DMD: variants seen among roughly 807,000 people sequenced by gnomAD.
DMD encodes mutant dystrophin.
Under a neutral mutation model 330.1 loss-of-function variants are expected in DMD, and 63 were observed. The ratio of observed to expected loss-of-function variants is 0.19; its 90% CI spans 0.16 to 0.24. DMD has a LOEUF of 0.24. DMD is among the 10% of genes least tolerant of loss of function. The pLI is 1.00. For synonymous variants in DMD, 1,223 were observed against 959.8 expected (o/e 1.27, Z -5.07); for missense variants, 3,344 against 2,684.1 (o/e 1.25, Z -5.43).
chrX:32,242,776 G>C (rs920346268), intron 43 of DMD, among the ~76,000 whole-genome samples: 3 of 110,289 alleles, frequency 2.7e-5, no homozygotes, highest in Non-Finnish European at 5.7e-5. Context: ...CATGTAGTTA[G>C]AACGCATTGG....
At chrX:32,845,069 A>G (rs747950459) in intron 3 of DMD, among the ~76,000 whole-genome samples, 16 of 112,055 alleles carry the variant, frequency 1.4e-4, no homozygotes, top group Non-Finnish European at 2.3e-4. Flanking sequence ...AAGAATGGCA[A>G]CACTTTTTCT....
intron 62 of DMD, among the ~76,000 whole-genome samples, chrX:31,313,629 T>C (rs924110740): frequency 9.0e-6 from 1 of 110,739 alleles, no homozygotes; most frequent in African/African-American, 3.3e-5. Flanking sequence ...ATCACCAAAG[T>C]AGTGCACCTT....
rs950273574 is a variant in DMD, at chrX:32,948,023, T to C, written c.93+72116A>G. Reference sequence around the variant, plus strand: ...TCACACAACTAGTCAGTTAATGTTCTACAAATAGCTCTTTCAGAGATTTTT... The same window carrying C: ...TCACACAACTAGTCAGTTAATGTTCCACAAATAGCTCTTTCAGAGATTTTT... On this transcript the variant is annotated intron_variant, in intron 2 of 78. Coordinates refer to ENST00000357033, the MANE Select transcript of DMD (RefSeq NM_004006.3). 1.3e-4 allele frequency among the ~76,000 whole-genome samples: 14 copies of C among 111,163 alleles called. No individual in the cohort carries two copies. In the Admixed American group the frequency reaches 1.4e-3, roughly 11 times the overall value.
At chrX:31,456,836 A>ATGTGTGTGTGTGTGTG (rs5901988) in intron 59 of DMD, among the ~76,000 whole-genome samples, 1 of 83,265 alleles carries the variant, frequency 1.2e-5, no homozygotes, top group African/African-American at 4.7e-5. Context: ...GCCCACATAT[A>ATGTGTGTGTGTGTGTG]TGTGTGTGTG....
At chrX:31,916,100 G>A (rs1016179217) in intron 47 of DMD, among the ~76,000 whole-genome samples, 4 of 111,588 alleles carry the variant, frequency 3.6e-5, no homozygotes, top group African/African-American at 1.3e-4. Flanking sequence ...ATAAGCCCAG[G>A]AGCGCTTGCC....
At chrX:31,901,697 A>T (rs2094424945) in intron 47 of DMD, among the ~76,000 whole-genome samples, 1 of 111,763 alleles carries the variant, frequency 8.9e-6, no homozygotes, top group African/African-American at 3.2e-5. Flanking sequence ...ATCATACAAC[A>T]TCTTATTAAT....
rs876657781 is a variant in DMD at position 32,809,502 on chromosome X, C to T, written c.640G>A (p.Asp214Asn). 1 of 1,207,816 alleles carries T rather than the reference C, an allele frequency of 8.3e-7. No homozygotes were observed. Among genetic ancestry groups the T allele is most frequent in the South Asian group, 1.8e-5 (1 of 56,894 alleles). ...RYQLGIEKLL[D>N]PEDVDTTYPD... ...CCAGAAATTTACCAACCTTCAGGAT[C>T]GAGTAGTTTCTCTATGCCTAATTGA... Residue 214 changes from aspartate to asparagine, a missense_variant, in exon 7 of 79, where the codon GAT (aspartate) becomes AAT (asparagine). By Grantham distance (23) the Asp-to-Asn change is conservative. Coordinates refer to ENST00000357033, the MANE Select transcript of DMD (RefSeq NM_004006.3).
At chrX:32,764,963 T>G (rs1040664487) in intron 7 of DMD, among the ~76,000 whole-genome samples, 1,520 of 108,650 alleles carry the variant, frequency 0.014, 13 homozygotes, top group Non-Finnish European at 0.023. Context: ...CTGGGTTTTT[T>G]TTTTTTTTTT....
At chrX:32,010,722 C>T (rs1433449924) in intron 44 of DMD, among the ~76,000 whole-genome samples, 2 of 111,830 alleles carry the variant, frequency 1.8e-5, no homozygotes, top group African/African-American at 6.5e-5. Context: ...GACTTGGGTA[C>T]CTCTTCCATG....
chrX:33,156,822 C>A (rs1319330262), intron 1 of DMD, among the ~76,000 whole-genome samples: 1 of 111,744 alleles, frequency 8.9e-6, no homozygotes, highest in African/African-American at 3.2e-5. Context: ...TTTACATGCA[C>A]AGAAGGTTAT....
chrX:31,385,297 C>G (rs2060395673), intron 60 of DMD, among the ~76,000 whole-genome samples: 1 of 111,718 alleles, frequency 9.0e-6, no homozygotes, highest in Admixed American at 9.6e-5. Flanking sequence ...GCGCTGTTAA[C>G]AACTGAATCA....
At chrX:32,483,150 T>TGTATATATGG (rs2042069111) in intron 21 of DMD, among the ~76,000 whole-genome samples, 1 of 78,111 alleles carries the variant, frequency 1.3e-5, no homozygotes. Flanking sequence ...TCATTCCATA[T>TGTATATATGG]ATATATATAT....
chrX:32,484,889 C>A (rs533461634), intron 21 of DMD, 30 bp downstream of exon 21: 1 of 1,199,477 alleles, frequency 8.3e-7, no homozygotes, highest in South Asian at 1.8e-5. Flanking sequence ...TGGAAAATGT[C>A]AAGTTAGCCA....
rs933945166 is a variant in DMD, at chrX:32,531,463, G to T, written c.2169-13332C>A. On this transcript the variant is annotated intron_variant, in intron 17 of 78. Coordinates refer to ENST00000357033, the MANE Select transcript of DMD (RefSeq NM_004006.3). Reference sequence around the variant, plus strand: ...TAAATCACCTAAAGTTTTTTAAAATGCCAAACTTTCATTCAAATTTAAAGA... The same window carrying T: ...TAAATCACCTAAAGTTTTTTAAAATTCCAAACTTTCATTCAAATTTAAAGA... 8.1e-5 allele frequency among the ~76,000 whole-genome samples: 9 copies of T among 111,632 alleles called. No individual in the cohort carries two copies. The East Asian group carries it at 2.5e-3, about 32-fold the overall frequency.
chrX:32,107,598 C>T (rs1212447890), intron 44 of DMD, among the ~76,000 whole-genome samples: 1 of 110,526 alleles, frequency 9.0e-6, no homozygotes, highest in Non-Finnish European at 1.9e-5. Context: ...AGTTTGAAGG[C>T]AGTCGGGCAG....
chrX:32,917,917 A>C, intron 2 of DMD, among the ~76,000 whole-genome samples: 1 of 110,027 alleles, frequency 9.1e-6, no homozygotes, highest in Non-Finnish European at 1.9e-5. Flanking sequence ...GACTCTGAAA[A>C]ATGAAGCTGC....
intron 9 of DMD, among the ~76,000 whole-genome samples, chrX:32,690,415 T>G (rs1177523949): frequency 9.0e-6 from 1 of 111,404 alleles, no homozygotes; most frequent in African/African-American, 3.3e-5. Flanking sequence ...AAATTGTCAT[T>G]ACATTCAAAG....
intron 47 of DMD, among the ~76,000 whole-genome samples, chrX:31,925,937 C>T (rs2094769503): frequency 9.2e-6 from 1 of 108,627 alleles, no homozygotes; most frequent in Admixed American, 9.8e-5. Context: ...CTATAATATA[C>T]GTGTCAATTC....
At position 31,728,272 on chromosome X, in the gene DMD, G is replaced by T. The variant is rs371919833; in HGVS notation, c.7660+1359C>A. Among the ~76,000 whole-genome samples the T allele has an allele frequency of 3.6e-5, 4 of 112,014 alleles. No homozygotes were observed. In the East Asian group the frequency reaches 1.1e-3, roughly 32 times the overall value. On this transcript the variant is annotated intron_variant, in intron 52 of 78. Transcript: ENST00000357033. The stretch of plus-strand genomic sequence containing the variant: ...GATCTCCTGACCTCGTGATCCGCCC[G>T]CCTCGGCCTCCCCAAGTGCTGGGAT...
Sources: gnomAD v4.1 joint callset for allele counts (sites outside exome capture counted in the v4.1 genomes callset) on GRCh38, gnomAD v4.1.1 for gene constraint, MANE v1.5 for transcripts, NCBI Gene and HGNC (gene_info 2026-07-23, HGNC 2026-07-21) for gene names.